Variants in SPPL2B observed in about 807,000 individuals in gnomAD.
SPPL2B encodes signal peptide peptidase-like 2B.
Under a neutral mutation model 59.7 loss-of-function variants are expected in SPPL2B, and 39 were observed. That is an observed-to-expected ratio of 0.65 (90% CI 0.51 to 0.85). SPPL2B has a LOEUF of 0.85. Ranked by LOEUF, SPPL2B falls within the 40% of genes least tolerant of loss-of-function variation. SPPL2B has a pLI of 0.00. For synonymous variants in SPPL2B, 419 were observed against 370.8 expected, an observed-to-expected ratio of 1.13 and a Z score of -1.49; for missense variants, 865 against 849.0, an observed-to-expected ratio of 1.02 and a Z score of -0.23.
intron 9 of SPPL2B, 64 bp from the exon 10 acceptor site, chr19:2,343,901 A>G: frequency 2.3e-5 from 30 of 1,288,470 alleles, no homozygotes; most frequent in Non-Finnish European, 3.3e-5. Context: ...GCTGGGCCTC[A>G]TGAGATGGGA....
rs758376483 is a variant in SPPL2B, at chr19:2,338,855, G to C, written c.459+14G>C. 9 of 1,611,338 alleles carry C rather than the reference G, an allele frequency of 5.6e-6. No individual in the cohort carries two copies. Among genetic ancestry groups the C allele is most frequent in the Non-Finnish European group, 6.8e-6 (8 of 1,178,244 alleles). Reference sequence around the variant, plus strand: ...GACATCTTCACGGTAGGTCTGCGCCGGCTCAGACCCACGCTCCCGAGGAGA... The same window carrying C: ...GACATCTTCACGGTAGGTCTGCGCCCGCTCAGACCCACGCTCCCGAGGAGA... On this transcript the variant is annotated intron_variant, in intron 4 of 14. Coordinates refer to ENST00000613503, the MANE Select transcript of SPPL2B (RefSeq NM_152988.3).
At position 2,339,090 on chromosome 19, in the gene SPPL2B, G is replaced by C; in HGVS notation, c.481G>C (p.Ala161Pro). 1 of 1,565,486 alleles carries C rather than the reference G, an allele frequency of 6.4e-7. No individual in the cohort carries two copies. Among genetic ancestry groups the C allele is most frequent in the East Asian group, 2.4e-5 (1 of 41,984 alleles). Residue 161 changes from alanine (A) to proline (P), a missense_variant, in exon 5 of 15, where the codon GCG becomes CCG. Transcript: ENST00000613503. ...GCAGCGTTTCGGCCGCACGGTGAGG[G>C]CGGCGCTGTATGCGCCTAAGGAGCC... ...IFTRFGRTVRAALYAPKEPVL... is the reference protein window; with the variant it reads ...IFTRFGRTVRPALYAPKEPVL...
At chr19:2,350,434 G>A (rs578163458) in intron 13 of SPPL2B, among the ~76,000 whole-genome samples, 1 of 147,938 alleles carries the variant, frequency 6.8e-6, no homozygotes, top group East Asian at 2.0e-4. Context: ...ACACACTCGC[G>A]CTCTCATTCG....
chr19:2,350,294 C>T (rs977082629), intron 13 of SPPL2B, among the ~76,000 whole-genome samples: 9 of 147,120 alleles, frequency 6.1e-5, no homozygotes, highest in African/African-American at 1.0e-4. Flanking sequence ...CACACACTCA[C>T]GCGCTGTCAT....
At position 2,353,350 on chromosome 19, in the gene SPPL2B, A is replaced by G. The variant is rs1249856257; in HGVS notation, c.*141A>G. On this transcript the variant is annotated 3_prime_UTR_variant, in exon 15 of 15. Coordinates refer to ENST00000613503, the MANE Select transcript of SPPL2B (RefSeq NM_152988.3). Reference sequence around the variant, plus strand: ...CCCCACCCGCCCCAACATGGTGCTCATCCTTGCCGAGACCCCTGCGGTCTG... The same window carrying G: ...CCCCACCCGCCCCAACATGGTGCTCGTCCTTGCCGAGACCCCTGCGGTCTG... 1.8e-6 allele frequency: 2 copies of G among 1,097,048 alleles called. No homozygotes were observed. Among genetic ancestry groups the G allele is most frequent in the Non-Finnish European group, 2.5e-6 (2 of 793,148 alleles). 68.0% of individuals were successfully genotyped at this position (1,097,048 alleles called of 1,614,324 possible). A position where few individuals can be genotyped will look rare whatever the true frequency, so the allele number is the denominator to read the frequency against.
At chr19:2,346,658 C>A (rs993402086) in intron 13 of SPPL2B, among the ~76,000 whole-genome samples, 2 of 152,132 alleles carry the variant, frequency 1.3e-5, no homozygotes, top group African/African-American at 2.4e-5. Flanking sequence ...CAGAGTGAGA[C>A]CCTGTCTCGA....
At chr19:2,351,308 C>T (rs1969911008) in intron 13 of SPPL2B, 126 bp from the exon 14 acceptor site, 2 of 747,744 alleles carry the variant, frequency 2.7e-6, no homozygotes, top group African/African-American at 1.7e-5. Flanking sequence ...TGAACCCCCA[C>T]TGTACCTCTC....
chr19:2,343,710 C>T (rs932464459), intron 9 of SPPL2B, among the ~76,000 whole-genome samples: 15 of 152,160 alleles, frequency 9.9e-5, no homozygotes, highest in Admixed American at 9.2e-4. Context: ...GCCGGCCCTG[C>T]GTGGCACAGG....
chr19:2,328,806 C>T, intron 1 of SPPL2B, 31 bp downstream of exon 1: 1 of 1,351,144 alleles, frequency 7.4e-7, no homozygotes, highest in Non-Finnish European at 9.5e-7. Flanking sequence ...GACGGCACCG[C>T]GGGCTGCGGC....
intron 2 of SPPL2B, among the ~76,000 whole-genome samples, chr19:2,336,513 TGA>T (rs1421934442): frequency 1.3e-5 from 2 of 151,804 alleles, no homozygotes; most frequent in African/African-American, 2.4e-5. Context: ...TATGTGCGTG[TGA>T]GTGTGTGAGT....
chr19:2,352,499 G>A (rs1474449800), intron 14 of SPPL2B, among the ~76,000 whole-genome samples: 7 of 152,190 alleles, frequency 4.6e-5, no homozygotes, highest in Non-Finnish European at 7.4e-5. Flanking sequence ...GGGTCGAGCT[G>A]TGGTTCCAGT....
chr19:2,341,722 T>C (rs549239492), intron 8 of SPPL2B: 144 of 413,512 alleles, frequency 3.5e-4, no homozygotes, highest in Non-Finnish European at 6.9e-4. Flanking sequence ...GAAAATATTT[T>C]GAATCCTTTG....
intron 8 of SPPL2B, chr19:2,341,959 A>ACTGTTCT (rs1422752783): frequency 2.5e-5 from 5 of 200,142 alleles, no homozygotes; most frequent in Non-Finnish European, 5.2e-5. Flanking sequence ...AGAAAAAATA[A>ACTGTTCT]CTGGCCGCAG....
intron 13 of SPPL2B, among the ~76,000 whole-genome samples, chr19:2,346,523 C>G (rs150586245): frequency 1.1e-3 from 164 of 152,204 alleles, no homozygotes; most frequent in Non-Finnish European, 1.9e-3. Context: ...AAAAATTAGC[C>G]GGGCATGGTG....
chr19:2,336,834 C>CGT (rs145207922), intron 2 of SPPL2B, among the ~76,000 whole-genome samples: 17 of 136,210 alleles, frequency 1.2e-4, no homozygotes, highest in South Asian at 2.4e-4. Context: ...CGGCTATGTG[C>CGT]GTGTGTGTGT....
Position 2,339,091 on chromosome 19 carries a change from C to T in SPPL2B, c.482C>T (p.Ala161Val), listed in dbSNP as rs775000556. The change falls in exon 5 of 15, where the codon GCG becomes GTG. Residue 161 changes from alanine (A) to valine (V), a missense_variant. Coordinates refer to ENST00000613503, the MANE Select transcript of SPPL2B (RefSeq NM_152988.3). Reference protein sequence around the residue: ...IFTRFGRTVRAALYAPKEPVL... With the variant: ...IFTRFGRTVRVALYAPKEPVL... Reference sequence around the variant, plus strand: ...CAGCGTTTCGGCCGCACGGTGAGGGCGGCGCTGTATGCGCCTAAGGAGCCG... The same window carrying T: ...CAGCGTTTCGGCCGCACGGTGAGGGTGGCGCTGTATGCGCCTAAGGAGCCG... The T allele has an allele frequency of 1.0e-5, 16 of 1,565,432 alleles. No homozygotes were observed. The highest frequency in any genetic ancestry group is 4.8e-5 in the East Asian group (2 of 41,994).
chr19:2,335,597 C>T (rs1461322202), intron 2 of SPPL2B, among the ~76,000 whole-genome samples: 2 of 150,568 alleles, frequency 1.3e-5, no homozygotes, highest in Non-Finnish European at 3.0e-5. Context: ...CCCACCACAC[C>T]CCTCTGTCCC....
Position 2,354,792 on chromosome 19 carries a change from C to G in SPPL2B, c.*1583C>G, listed in dbSNP as rs932032901. On this transcript the variant is annotated 3_prime_UTR_variant, in exon 15 of 15. Transcript: ENST00000613503. The stretch of plus-strand genomic sequence containing the variant: ...CATTCCGTCTGATCATTAAACACAG[C>G]TTTTGATACATATGGCCCGGCCTCT... The G allele has an allele frequency of 3.3e-5, 5 of 152,498 alleles. No homozygotes were observed. The highest frequency in any genetic ancestry group is 2.1e-4 in the South Asian group (1 of 4,832). 9.4% of individuals were successfully genotyped at this position (152,498 alleles called of 1,614,324 possible).
chr19:2,338,923 C>A, intron 4 of SPPL2B, 82 bp downstream of exon 4: 1 of 1,521,158 alleles, frequency 6.6e-7, no homozygotes, highest in South Asian at 1.2e-5. Context: ...GGGTTTGTGC[C>A]TCAGTTGGTG....
Sources: gnomAD v4.1 joint callset for allele counts (sites outside exome capture counted in the v4.1 genomes callset) on GRCh38, gnomAD v4.1.1 for gene constraint, MANE v1.5 for transcripts, NCBI Gene and HGNC (gene_info 2026-07-23, HGNC 2026-07-21) for gene names.